IL17RC: variants seen among roughly 807,000 people sequenced by gnomAD.
IL17RC encodes interleukin-17 receptor C.
A neutral mutation model predicts 86.7 loss-of-function variants in IL17RC; 53 were observed. That is an observed-to-expected ratio of 0.61 (90% CI 0.49 to 0.77). The LOEUF (loss-of-function observed/expected upper bound fraction) is 0.77. IL17RC is among the 30% of genes least tolerant of loss of function. The pLI is 0.00. For synonymous variants in IL17RC, 439 were observed against 413.1 expected (o/e 1.06, Z -0.76); for missense variants, 957 against 940.0 (o/e 1.02, Z -0.24).
chr3:9,931,399 G>C (rs1270331165), intron 16 of IL17RC, among the ~76,000 whole-genome samples: 1 of 149,650 alleles, frequency 6.7e-6, no homozygotes, highest in Non-Finnish European at 1.5e-5. Context: ...ACATGTAGGG[G>C]ATTTGGATCT....
At position 9,917,533 on chromosome 3, in the gene IL17RC, G is replaced by A. The variant is rs748267710; in HGVS notation, c.105+113G>A. ...GCCACTGCCAGAACTGCCCTGTCTG[G>A]TCTGTCTGGTGCTGATGGTAGAAGA... On this transcript the variant is annotated intron_variant, in intron 1 of 18. Transcript: ENST00000403601. The A allele has an allele frequency of 4.3e-6, 7 of 1,614,054 alleles. No homozygotes were observed. The South Asian group carries it at 6.6e-5, about 15-fold the overall frequency.
At chr3:9,928,126 C>G (rs752490324) in intron 9 of IL17RC, 40 bp from the exon 10 acceptor site, 1 of 1,601,374 alleles carries the variant, frequency 6.2e-7, no homozygotes, top group Non-Finnish European at 8.6e-7. Flanking sequence ...AGGCACATGC[C>G]CATGGAGGGG....
intron 5 of IL17RC, among the ~76,000 whole-genome samples, chr3:9,919,480 T>TA (rs201079801): frequency 2.0e-5 from 3 of 151,834 alleles, no homozygotes; most frequent in East Asian, 3.9e-4. Flanking sequence ...CTGCCTCCAC[T>TA]AAAAAAATAC....
chr3:9,930,320 C>A lies in IL17RC; in HGVS notation c.1279-80C>A. 1.9e-6 allele frequency: 3 copies of A among 1,564,580 alleles called. No individual in the cohort carries two copies. Among genetic ancestry groups the A allele is most frequent in the Admixed American group, 3.4e-5 (2 of 59,462 alleles). ...GTCTCCCAGTCCCCTCTACCTCATT[C>A]TACCCAGCTGTAGCCTGGTAGGTGC... is the stretch of plus-strand genomic sequence containing the variant. On this transcript the variant is annotated intron_variant, in intron 14 of 18. Coordinates refer to ENST00000403601, the MANE Select transcript of IL17RC (RefSeq NM_153460.4). The surrounding 1 kb of genome is among the most constrained non-coding windows in gnomAD (Gnocchi z 5.8).
chr3:9,933,057 C>G lies in IL17RC; in HGVS notation c.1627C>G (p.Arg543Gly). 6.5e-7 allele frequency: 1 copy of G among 1,546,580 alleles called. No homozygotes were observed. The highest frequency in any genetic ancestry group is 8.6e-7 in the Non-Finnish European group (1 of 1,156,436). Residue 543 changes from arginine (R) to glycine (G), a missense_variant, in exon 19 of 19, where the codon CGC becomes GGC. Arg to Gly is a moderately radical substitution (Grantham distance 125). Transcript: ENST00000403601. ...GTCGGCCCTGTGCCAGCTGCCGCTG[C>G]GCGTGGCCGTAGACCTGTGGAGCCG... is the stretch of plus-strand genomic sequence containing the variant. ...LASALCQLPL[R>G]VAVDLWSRRE...
rs370439757 is a variant in IL17RC, at chr3:9,933,297, G to A, written c.1867G>A (p.Gly623Ser). Residue 623 changes from glycine (G) to serine (S), a missense_variant, in exon 19 of 19, where the codon GGC becomes AGC. Gly to Ser is a moderately conservative substitution (Grantham distance 56). Coordinates refer to ENST00000403601, the MANE Select transcript of IL17RC (RefSeq NM_153460.4). ...CTGCGTGCTGCCCGACTTCTTGCAG[G>A]GCCGGGCGCCCGGCAGCTACGTGGG... ...LSCVLPDFLQ[G>S]RAPGSYVGAC... The A allele has an allele frequency of 3.7e-5, 60 of 1,604,404 alleles. No individual in the cohort carries two copies. Among genetic ancestry groups the A allele is most frequent in the Non-Finnish European group, 5.0e-5 (59 of 1,175,672 alleles).
Position 9,932,627 on chromosome 3 carries a change from C to T in IL17RC, c.1407C>T (p.Ala469=), listed in dbSNP as rs1198264576. The change falls in exon 17 of 19, where the codon GCC becomes GCT. Residue 469 remains alanine, a synonymous_variant. Transcript: ENST00000403601. ...PMDKYIHKRW[A]LVWLACLLFA... is the part of the protein sequence containing the mutation. ...TCCCAGACATCCACAAGCGCTGGGCCCTCGTGTGGCTGGCCTGCCTACTCT... is the reference window on the plus strand; with the variant it reads ...TCCCAGACATCCACAAGCGCTGGGCTCTCGTGTGGCTGGCCTGCCTACTCT... 1.9e-6 allele frequency: 3 copies of T among 1,614,022 alleles called. No homozygotes were observed. Among genetic ancestry groups the T allele is most frequent in the Admixed American group, 1.7e-5 (1 of 60,020 alleles).
chr3:9,922,364 T>A (rs1575546867), intron 7 of IL17RC, among the ~76,000 whole-genome samples: 1 of 152,242 alleles, frequency 6.6e-6, no homozygotes, highest in East Asian at 1.9e-4. Flanking sequence ...GTTTTCAACT[T>A]CATTTTCTTT....
rs2085027048 is a variant in IL17RC at position 9,933,617 on chromosome 3, A to T, written c.*24A>T. 1 of 1,541,352 alleles carries T rather than the reference A, an allele frequency of 6.5e-7. No homozygotes were observed. The highest frequency in any genetic ancestry group is 1.2e-5 in the South Asian group (1 of 82,912). ...AAATAAAGGCAGACGCTGTTTTTCT[A>T]CCCATGTGGCCCACACGCGTCTCCG... On this transcript the variant is annotated 3_prime_UTR_variant, in exon 19 of 19. Transcript: ENST00000403601.
At chr3:9,917,566 G>C (rs760007478) in intron 1 of IL17RC, 146 bp downstream of exon 1, 5 of 1,614,026 alleles carry the variant, frequency 3.1e-6, no homozygotes, top group African/African-American at 2.7e-5. Flanking sequence ...AGAGAAGAAC[G>C]GGGAAGGGGC....
In IL17RC at chr3:9,930,204, G is replaced by A. The variant is rs1055743471; in HGVS notation, c.1278+55G>A. ...TCTCTCCAAATGCATCTCACATCTG[G>A]CCTCAAATTTTCACTCCATCCACCC... is the stretch of plus-strand genomic sequence containing the variant. On this transcript the variant is annotated intron_variant, in intron 14 of 18. Coordinates refer to ENST00000403601, the MANE Select transcript of IL17RC (RefSeq NM_153460.4). The surrounding 1 kb of genome is among the most constrained non-coding windows in gnomAD (Gnocchi z 5.8). The A allele has an allele frequency of 1.5e-5, 24 of 1,604,388 alleles. No homozygotes were observed. Among genetic ancestry groups the A allele is most frequent in the Non-Finnish European group, 1.9e-5 (22 of 1,173,404 alleles).
chr3:9,932,859 G>T lies in IL17RC; in HGVS notation c.1522+1G>T. 4.4e-6 allele frequency: 7 copies of T among 1,573,846 alleles called. No individual in the cohort carries two copies. Among genetic ancestry groups the T allele is most frequent in the African/African-American group, 1.4e-5 (1 of 73,368 alleles). On this transcript the variant is annotated splice_donor_variant, in intron 18 of 18. Coordinates refer to ENST00000403601, the MANE Select transcript of IL17RC (RefSeq NM_153460.4). LOFTEE classifies it high-confidence loss of function. ...TTGAAACAGGACGTCCGCTCGGGGG[G>T]TGAGTGGGAGCAAGCGCTGGGCGGA... is the stretch of plus-strand genomic sequence containing the variant.
chr3:9,928,995 C>T (rs1248029660), intron 12 of IL17RC: 2 of 221,850 alleles, frequency 9.0e-6, no homozygotes, highest in Non-Finnish European at 1.8e-5. Flanking sequence ...GGTTGCTCTA[C>T]AGTTTCAAAG....
chr3:9,923,793 G>A (rs2125195309), intron 7 of IL17RC, 88 bp from the exon 8 acceptor site: 2 of 1,432,194 alleles, frequency 1.4e-6, no homozygotes, highest in Non-Finnish European at 1.9e-6. Flanking sequence ...CCCAGTCTAG[G>A]GGGTTTGAAG....
At chr3:9,923,300 C>T (rs904369094) in intron 7 of IL17RC, among the ~76,000 whole-genome samples, 2 of 914 alleles carry the variant, frequency 2.2e-3, no homozygotes, top group South Asian at 0.045. Flanking sequence ...TCTGCAATCC[C>T]AGCACTTTGG....
At chr3:9,925,644 G>T (rs1030170798) in intron 9 of IL17RC, among the ~76,000 whole-genome samples, 1 of 151,702 alleles carries the variant, frequency 6.6e-6, no homozygotes, top group East Asian at 1.9e-4. Flanking sequence ...TTTTCCCCAT[G>T]ATTCCCCTTC....
Position 9,930,328 on chromosome 3 carries a change from C to T in IL17RC, c.1279-72C>T. On this transcript the variant is annotated intron_variant, in intron 14 of 18. Coordinates refer to ENST00000403601, the MANE Select transcript of IL17RC (RefSeq NM_153460.4). This position sits in a 1 kb window ranked among gnomAD's most constrained non-coding sequence, Gnocchi z 5.8. ...GTCCCCTCTACCTCATTCTACCCAG[C>T]TGTAGCCTGGTAGGTGCTGCCCTAA... is the stretch of plus-strand genomic sequence containing the variant. The T allele has an allele frequency of 6.3e-7, 1 of 1,577,810 alleles. No homozygotes were observed. Among genetic ancestry groups the T allele is most frequent in the Non-Finnish European group, 8.7e-7 (1 of 1,148,896 alleles).
chr3:9,922,647 G>A (rs1214788805), intron 7 of IL17RC, among the ~76,000 whole-genome samples: 1 of 152,140 alleles, frequency 6.6e-6, no homozygotes, highest in Non-Finnish European at 1.5e-5. Flanking sequence ...GGGTGAGGAA[G>A]GACACAACAA....
In IL17RC at chr3:9,926,667, G is replaced by A. The variant is rs2084111361; in HGVS notation, c.823-1499G>A. ...GAGACAGAGTCTCGCTCTATTGGCA[G>A]GCTGGAGTACAGTGGCGTGATCTCG... On this transcript the variant is annotated intron_variant, in intron 9 of 18. Coordinates refer to ENST00000403601, the MANE Select transcript of IL17RC (RefSeq NM_153460.4). 2.0e-5 allele frequency among the ~76,000 whole-genome samples: 3 copies of A among 151,694 alleles called. No individual in the cohort carries two copies. In the South Asian group the frequency reaches 6.2e-4, roughly 31 times the overall value.
Sources: gnomAD v4.1 joint callset for allele counts (sites outside exome capture counted in the v4.1 genomes callset) on GRCh38, gnomAD v4.1.1 for gene constraint, Gnocchi (gnomAD v3.1) non-coding constraint, MANE v1.5 for transcripts, NCBI Gene and HGNC (gene_info 2026-07-23, HGNC 2026-07-21) for gene names.